CLYBL: variants seen among roughly 807,000 people sequenced by gnomAD.
CLYBL encodes the protein citramalyl-CoA lyase, mitochondrial.
CLYBL carries 31 observed loss-of-function variants against 38.9 expected under a neutral mutation model. The observed-to-expected ratio is 0.80, with a 90% CI of 0.60 to 1.08. The LOEUF is 1.08. Ranked by LOEUF, CLYBL falls within the 50% of genes least tolerant of loss-of-function variation. The pLI is 0.00. For missense variants in CLYBL, 434 were observed against 411.6 expected (o/e 1.05, Z -0.47); for synonymous variants, 171 against 158.6 (o/e 1.08, Z -0.59).
chr13:99,824,471 G>A (rs886305472), intron 2 of CLYBL, among the ~76,000 whole-genome samples: 4 of 152,120 alleles, frequency 2.6e-5, no homozygotes, highest in Admixed American at 2.6e-4. Context: ...AAATAAAACA[G>A]TTAATAGTTG....
intron 2 of CLYBL, among the ~76,000 whole-genome samples, chr13:99,831,695 T>C (rs1186895783): frequency 2.0e-5 from 3 of 151,922 alleles, no homozygotes; most frequent in Non-Finnish European, 2.9e-5. Context: ...AAATACCCGC[T>C]TCTTGAGTGA....
At chr13:99,625,568 C>T (rs1334705610) in intron 1 of CLYBL, among the ~76,000 whole-genome samples, 1 of 152,084 alleles carries the variant, frequency 6.6e-6, no homozygotes, top group African/African-American at 2.4e-5. Context: ...GCGATTTTCC[C>T]TTTTTTAAAA....
rs1272779096 is a variant in CLYBL, at chr13:99,840,765, AAAAAAAAAAAAAAAAG to A, written c.250-18095_250-18080del. On this transcript the variant is annotated intron_variant, in intron 2 of 8. Coordinates refer to ENST00000339105, the MANE Select transcript of CLYBL (RefSeq NM_206808.5). Reference sequence around the variant, plus strand: ...ACCCTTGTCTCAAAAAAAAAAAAAAAAAAAAAAAAAAAAAAGGGTTACATATGCATATGAAAAAAGG... The same window carrying A: ...ACCCTTGTCTCAAAAAAAAAAAAAAAGGTTACATATGCATATGAAAAAAGG... 1.7e-4 allele frequency among the ~76,000 whole-genome samples: 26 copies of A among 148,756 alleles called. 1 individual carries two copies. The highest frequency in any genetic ancestry group is 6.4e-4 in the African/African-American group (26 of 40,364).
intron 8 of CLYBL, chr13:99,891,649 C>A: frequency 2.3e-6 from 1 of 429,958 alleles, no homozygotes; most frequent in Non-Finnish European, 4.2e-6. Context: ...TAGTGTATTA[C>A]GAATATGGGC....
intron 1 of CLYBL, among the ~76,000 whole-genome samples, chr13:99,634,615 G>A (rs77663180): frequency 0.018 from 2,800 of 152,204 alleles, 66 homozygotes; most frequent in African/African-American, 0.054. Context: ...TTATTATTTT[G>A]TGCTTCTTTT....
chr13:99,853,258 C>T (rs1188149831), intron 2 of CLYBL, among the ~76,000 whole-genome samples: 2 of 151,808 alleles, frequency 1.3e-5, no homozygotes, highest in Non-Finnish European at 2.9e-5. Flanking sequence ...GCAGAAATAC[C>T]AATTATATAT....
intron 1 of CLYBL, among the ~76,000 whole-genome samples, chr13:99,727,699 A>C (rs1352238362): frequency 6.6e-6 from 1 of 152,104 alleles, no homozygotes; most frequent in Non-Finnish European, 1.5e-5. Flanking sequence ...GTATGGGAGT[A>C]AACACTATGC....
chr13:99,829,854 T>G (rs1566344449), intron 2 of CLYBL, among the ~76,000 whole-genome samples: 1 of 152,206 alleles, frequency 6.6e-6, no homozygotes, highest in African/African-American at 2.4e-5. Context: ...ATAAGCTCCG[T>G]GAGAGCGGAG....
chr13:99,635,311 C>A (rs2047003538), intron 1 of CLYBL, among the ~76,000 whole-genome samples: 1 of 152,040 alleles, frequency 6.6e-6, no homozygotes, highest in African/African-American at 2.4e-5. Flanking sequence ...CCACGCCCCC[C>A]ACACCCCCAA....
intron 1 of CLYBL, among the ~76,000 whole-genome samples, chr13:99,697,254 C>G (rs1352047685): frequency 6.6e-6 from 1 of 152,210 alleles, no homozygotes; most frequent in East Asian, 1.9e-4. Flanking sequence ...AGTGGGGTTA[C>G]TGTTATTTGC....
chr13:99,672,260 G>A lies in CLYBL; in HGVS notation c.62+65503G>A, dbSNP rs1348725372. On this transcript the variant is annotated intron_variant, in intron 1 of 8. Coordinates refer to ENST00000339105, the MANE Select transcript of CLYBL (RefSeq NM_206808.5). ...GTTACCCAGGCTGGAGTGCCAGAGT[G>A]CAGTGTTGCAGTCATAGCTCACTGC... Among the ~76,000 whole-genome samples, 3 of 149,312 alleles carry A rather than the reference G, an allele frequency of 2.0e-5. No individual in the cohort carries two copies. In the Admixed American group the frequency reaches 2.0e-4, roughly 10 times the overall value.
At chr13:99,650,920 C>T (rs1353204965) in intron 1 of CLYBL, among the ~76,000 whole-genome samples, 1 of 152,198 alleles carries the variant, frequency 6.6e-6, no homozygotes, top group Non-Finnish European at 1.5e-5. Flanking sequence ...AATCATCTTC[C>T]TACCCCATGT....
chr13:99,724,875 G>A lies in CLYBL; in HGVS notation c.63-47949G>A, dbSNP rs73566285. Reference sequence around the variant, plus strand: ...TGTTCCTTGTGTACCTCTCTAGGGCGTGTCGTTGGGGTCACTTGCCACCAG... The same window carrying A: ...TGTTCCTTGTGTACCTCTCTAGGGCATGTCGTTGGGGTCACTTGCCACCAG... On this transcript the variant is annotated intron_variant, in intron 1 of 8. Coordinates refer to ENST00000339105, the MANE Select transcript of CLYBL (RefSeq NM_206808.5). Among the ~76,000 whole-genome samples the A allele has an allele frequency of 3.1e-3, 466 of 152,354 alleles. 3 individuals are homozygous for A. Among genetic ancestry groups the A allele is most frequent in the African/African-American group, 0.011 (445 of 41,584 alleles).
chr13:99,862,765 G>GA lies in CLYBL; in HGVS notation c.439-219dup, dbSNP rs557498499. ...TAGGCCTCAAGTTGCTCCTTTGGGA[G>GA]AAAAAAATTGTAATGCTTAGGATTT... is the stretch of plus-strand genomic sequence containing the variant. On this transcript the variant is annotated intron_variant, in intron 3 of 8. Transcript: ENST00000339105. 3.7e-3 allele frequency among the ~76,000 whole-genome samples: 562 copies of GA among 152,192 alleles called. 6 individuals carry two copies. The highest frequency in any genetic ancestry group is 0.013 in the African/African-American group (525 of 41,524).
intron 7 of CLYBL, among the ~76,000 whole-genome samples, chr13:99,883,247 G>C (rs531662223): frequency 6.6e-6 from 1 of 152,106 alleles, no homozygotes; most frequent in Non-Finnish European, 1.5e-5. Flanking sequence ...CCGACCGGGC[G>C]CAGTGGCTTA....
chr13:99,742,425 C>T (rs376906058), intron 1 of CLYBL, among the ~76,000 whole-genome samples: 53 of 152,262 alleles, frequency 3.5e-4, no homozygotes, highest in Middle Eastern at 6.8e-3. Flanking sequence ...TGAAGAGTTA[C>T]GCTTTTACTT....
chr13:99,796,561 A>T (rs193234948), intron 2 of CLYBL, among the ~76,000 whole-genome samples: 21 of 152,346 alleles, frequency 1.4e-4, no homozygotes, highest in African/African-American at 4.8e-4. Context: ...TTGACAGATG[A>T]CAGATAAGGA....
At chr13:99,676,770 T>A (rs1199153508) in intron 1 of CLYBL, among the ~76,000 whole-genome samples, 1 of 151,778 alleles carries the variant, frequency 6.6e-6, no homozygotes. Flanking sequence ...AATGCCCAGC[T>A]AATTTTGTAT....
At chr13:99,719,051 C>G (rs955982850) in intron 1 of CLYBL, among the ~76,000 whole-genome samples, 9 of 151,678 alleles carry the variant, frequency 5.9e-5, no homozygotes, top group Non-Finnish European at 1.3e-4. Context: ...TGGGGTTTCT[C>G]CATGTTGGTC....
Sources: gnomAD v4.1 joint callset for allele counts (sites outside exome capture counted in the v4.1 genomes callset) on GRCh38, gnomAD v4.1.1 for gene constraint, MANE v1.5 for transcripts, NCBI Gene and HGNC (gene_info 2026-07-23, HGNC 2026-07-21) for gene names.